Variants in SMG7 observed in about 807,000 individuals in gnomAD.
SMG7 encodes SMG7 nonsense mediated mRNA decay factor.
In SMG7, 34 loss-of-function variants were observed where a neutral mutation model predicts 148.2. The ratio of observed to expected loss-of-function variants is 0.23; its 90% CI spans 0.17 to 0.31. The LOEUF (loss-of-function observed/expected upper bound fraction) is 0.31. SMG7 is among the 10% of genes least tolerant of loss of function. The pLI is 1.00. For synonymous variants in SMG7, 492 were observed against 515.1 expected, an observed-to-expected ratio of 0.96 and a Z score of 0.61; for missense variants, 1,114 against 1,408.4, an observed-to-expected ratio of 0.79 and a Z score of 3.35.
Position 183,493,860 on chromosome 1 carries a change from G to GT in SMG7, c.30-18976dup, listed in dbSNP as rs1657695453. Among the ~76,000 whole-genome samples, 3 of 152,316 alleles carry GT rather than the reference G, an allele frequency of 2.0e-5. No homozygotes were observed. In the South Asian group the frequency reaches 6.2e-4, roughly 32 times the overall value. On this transcript the variant is annotated intron_variant, in intron 1 of 22. Transcript: ENST00000688051. Reference sequence around the variant, plus strand: ...CTCCCAGAGTGCTAGGATTACAGGCGTGAGTCATAGCACCCGGCCACTTTA... The same window carrying GT: ...CTCCCAGAGTGCTAGGATTACAGGCGTTGAGTCATAGCACCCGGCCACTTTA...
At chr1:183,488,793 C>T (rs749876408) in intron 1 of SMG7, among the ~76,000 whole-genome samples, 5 of 149,684 alleles carry the variant, frequency 3.3e-5, no homozygotes, top group East Asian at 3.9e-4. Flanking sequence ...AAGTGACTCT[C>T]CTGCCTCAGC....
chr1:183,532,596 ATGT>A (rs1363788523), intron 8 of SMG7, among the ~76,000 whole-genome samples: 5 of 152,176 alleles, frequency 3.3e-5, no homozygotes, highest in Non-Finnish European at 7.4e-5. Context: ...ATACATCCTA[ATGT>A]TGTTTTAGTA....
rs1313777617 is a variant in SMG7 at position 183,545,230 on chromosome 1, C to T, written c.2288C>T (p.Ala763Val). 1 of 1,614,112 alleles carries T rather than the reference C, an allele frequency of 6.2e-7. No individual in the cohort carries two copies. The highest frequency in any genetic ancestry group is 8.5e-7 in the Non-Finnish European group (1 of 1,180,014). ...TCTACAAGCCAGCTGCAGGTTCAAG[C>T]TCTAACTCAGCAACAACAATCCCCT... ...AQSTSQLQVQ[A>V]LTQQQQSPTK... Residue 763 changes from alanine to valine, a missense_variant, in exon 16 of 23, where the codon GCT (alanine) becomes GTT (valine). Transcript: ENST00000688051.
chr1:183,496,197 A>G (rs1266714990), intron 1 of SMG7, among the ~76,000 whole-genome samples: 2 of 152,138 alleles, frequency 1.3e-5, no homozygotes, highest in Admixed American at 6.5e-5. Flanking sequence ...GTAGATCCCC[A>G]ATAATTATTA....
Position 183,526,777 on chromosome 1 carries a change from T to C in SMG7, c.484+10T>C, listed in dbSNP as rs759805852. 1.3e-6 allele frequency: 2 copies of C among 1,596,966 alleles called. No individual in the cohort carries two copies. The highest frequency in any genetic ancestry group is 3.6e-5 in the Admixed American group (2 of 56,258). The stretch of plus-strand genomic sequence containing the variant: ...CACCTTGGAGACATTGGTGAGCCTT[T>C]GCTGTGAAGGAATTGATAATATGTT... On this transcript the variant is annotated intron_variant, in intron 5 of 22. Transcript: ENST00000688051.
At chr1:183,488,379 T>C (rs1656036819) in intron 1 of SMG7, among the ~76,000 whole-genome samples, 1 of 152,184 alleles carries the variant, frequency 6.6e-6, no homozygotes, top group Non-Finnish European at 1.5e-5. Flanking sequence ...TCTCAGATGG[T>C]GACATGAGAA....
intron 1 of SMG7, among the ~76,000 whole-genome samples, chr1:183,490,457 A>G (rs1656666003): frequency 6.6e-6 from 1 of 152,208 alleles, no homozygotes; most frequent in African/African-American, 2.4e-5. Context: ...AGTATAAAAT[A>G]TTTTAAAATT....
intron 1 of SMG7, among the ~76,000 whole-genome samples, chr1:183,506,679 T>C (rs1437247543): frequency 6.7e-6 from 1 of 149,582 alleles, no homozygotes; most frequent in Non-Finnish European, 1.5e-5. Flanking sequence ...ACGAAAAAAC[T>C]CCCAGCGTGT....
At position 183,553,289 on chromosome 1, in the gene SMG7, C is replaced by T. The variant is rs1056112080; in HGVS notation, c.*1358C>T. The T allele has an allele frequency of 1.6e-6, 2 of 1,267,884 alleles. No homozygotes were observed. The highest frequency in any genetic ancestry group is 1.5e-5 in the African/African-American group (1 of 66,590). 78.5% of individuals were successfully genotyped at this position (1,267,884 alleles called of 1,614,324 possible). ...AGGACAGCATTTCTGTTAGTCATTT[C>T]CTGGAAAAGTAATATTTTAAGGGGA... On this transcript the variant is annotated 3_prime_UTR_variant, in exon 23 of 23. Transcript: ENST00000688051.
chr1:183,523,570 A>T (rs1033595539), intron 4 of SMG7, among the ~76,000 whole-genome samples: 1 of 152,216 alleles, frequency 6.6e-6, no homozygotes. Flanking sequence ...ATCAGGGTCA[A>T]CCTATATGAA....
chr1:183,474,988 TAA>T (rs1402970449), intron 1 of SMG7, among the ~76,000 whole-genome samples: 2 of 152,132 alleles, frequency 1.3e-5, no homozygotes, highest in Non-Finnish European at 2.9e-5. Flanking sequence ...TGAGAAAACT[TAA>T]GAGTTGTAGA....
rs536088646 is a variant in SMG7, at chr1:183,508,493, A to G, written c.30-4344A>G. Among the ~76,000 whole-genome samples the G allele has an allele frequency of 9.2e-5, 14 of 152,136 alleles. No homozygotes were observed. In the South Asian group the frequency reaches 1.9e-3, roughly 20 times the overall value. On this transcript the variant is annotated intron_variant, in intron 1 of 22. Coordinates refer to ENST00000688051, the MANE Select transcript of SMG7 (RefSeq NM_001375584.1). ...AGGTGTGAGCCACCATGCCTGGCCT[A>G]TTTTTTTCTTTATAAAGTAAAATAA...
intron 4 of SMG7, among the ~76,000 whole-genome samples, chr1:183,524,071 CATTTT>C (rs907902113): frequency 1.3e-5 from 2 of 151,026 alleles, no homozygotes; most frequent in African/African-American, 4.9e-5. Flanking sequence ...TTTATGTATT[CATTTT>C]ATTTTATTTT....
intron 1 of SMG7, chr1:183,508,079 A>G: frequency 1.4e-6 from 1 of 712,766 alleles, no homozygotes; most frequent in Non-Finnish European, 1.7e-6. Flanking sequence ...CCCTCTACCA[A>G]GAGAAAACAT....
chr1:183,505,115 A>G (rs1660608456), intron 1 of SMG7, among the ~76,000 whole-genome samples: 1 of 138,622 alleles, frequency 7.2e-6, no homozygotes, highest in South Asian at 2.3e-4. Flanking sequence ...TTGGGAGAAG[A>G]AAAAAAAAAA....
intron 1 of SMG7, among the ~76,000 whole-genome samples, chr1:183,491,132 A>G (rs1446857415): frequency 2.0e-5 from 3 of 152,176 alleles, no homozygotes; most frequent in Admixed American, 1.3e-4. Context: ...GCCTCAGGCA[A>G]TCATTACTCT....
At chr1:183,492,115 C>T (rs184078185) in intron 1 of SMG7, among the ~76,000 whole-genome samples, 34 of 152,300 alleles carry the variant, frequency 2.2e-4, no homozygotes, top group Admixed American at 2.0e-3. Flanking sequence ...GCCGTCATAC[C>T]ATACCAGGCA....
chr1:183,527,933 A>G lies in SMG7; in HGVS notation c.485-23A>G, dbSNP rs770784941. 5 of 1,604,298 alleles carry G rather than the reference A, an allele frequency of 3.1e-6. No individual in the cohort carries two copies. Among genetic ancestry groups the G allele is most frequent in the Non-Finnish European group, 4.3e-6 (5 of 1,172,856 alleles). On this transcript the variant is annotated intron_variant, in intron 5 of 22. Transcript: ENST00000688051. The surrounding 1 kb of genome is among the most constrained non-coding windows in gnomAD (Gnocchi z 4.0). Reference sequence around the variant, plus strand: ...CTACTGTTTGTTTTTTGGGTTTTTTAAAACTAATTTTCTTCTTCTTAGCTC... The same window carrying G: ...CTACTGTTTGTTTTTTGGGTTTTTTGAAACTAATTTTCTTCTTCTTAGCTC...
chr1:183,514,763 G>A (rs577168624), intron 2 of SMG7, among the ~76,000 whole-genome samples: 9 of 152,298 alleles, frequency 5.9e-5, no homozygotes, highest in African/African-American at 1.9e-4. Flanking sequence ...TTAAAGCAGG[G>A]TTGACTAAAT....
Sources: allele counts gnomAD v4.1 joint callset (sites outside exome capture counted in the v4.1 genomes callset), GRCh38; gene constraint gnomAD v4.1.1; non-coding constraint Gnocchi (gnomAD v3.1); transcripts MANE v1.5; gene names NCBI Gene and HGNC (gene_info 2026-07-23, HGNC 2026-07-21).